KHDRBS2: variants seen among roughly 807,000 people sequenced by gnomAD.
KHDRBS2 encodes the protein KH RNA binding domain containing, signal transduction associated 2.
A neutral mutation model predicts 44.3 loss-of-function variants in KHDRBS2; 26 were observed. That is an observed-to-expected ratio of 0.59 (90% CI 0.43 to 0.81). The LOEUF is 0.81. KHDRBS2 is among the 40% of genes least tolerant of loss of function. The pLI, the probability that KHDRBS2 is intolerant of heterozygous loss-of-function variation, is 0.00. For synonymous variants in KHDRBS2, 194 were observed against 151.1 expected (o/e 1.28, Z -2.08); for missense variants, 476 against 433.1 (o/e 1.10, Z -0.88).
At chr6:61,621,405 C>A in the KHDRBS2 span, among the ~76,000 whole-genome samples, 2 of 152,144 alleles carry the variant, frequency 1.3e-5, no homozygotes, top group Non-Finnish European at 2.9e-5. Context: ...AATAGATAGA[C>A]ATGAAACCAG....
chr6:61,840,060 T>C (rs867157315), intron 6 of KHDRBS2, among the ~76,000 whole-genome samples: 1 of 152,106 alleles, frequency 6.6e-6, no homozygotes, highest in Admixed American at 6.6e-5. Flanking sequence ...TCTTCAATTA[T>C]TACTAGAACA....
At chr6:62,175,578 C>A (rs1173975176) in intron 2 of KHDRBS2, among the ~76,000 whole-genome samples, 1 of 151,494 alleles carries the variant, frequency 6.6e-6, no homozygotes, top group Non-Finnish European at 1.5e-5. Context: ...TTTATATATT[C>A]TGTGATTTCC....
chr6:62,186,128 G>T (rs1170097582), intron 1 of KHDRBS2, among the ~76,000 whole-genome samples: 1 of 152,034 alleles, frequency 6.6e-6, no homozygotes, highest in Non-Finnish European at 1.5e-5. Flanking sequence ...AACAAGTGAT[G>T]ATGACAGTTA....
intron 6 of KHDRBS2, among the ~76,000 whole-genome samples, chr6:61,749,229 G>T (rs1158358808): frequency 1.3e-5 from 2 of 151,820 alleles, no homozygotes; most frequent in African/African-American, 4.8e-5. Context: ...TAGCCAGGAT[G>T]ATCTCGATCT....
At chr6:61,771,664 C>A (rs956964436) in intron 6 of KHDRBS2, among the ~76,000 whole-genome samples, 1 of 152,160 alleles carries the variant, frequency 6.6e-6, no homozygotes, top group Admixed American at 6.5e-5. Context: ...GCACCCAATA[C>A]AGGAGCACCC....
chr6:61,934,845 C>T (rs2127370089), intron 4 of KHDRBS2, among the ~76,000 whole-genome samples: 1 of 152,144 alleles, frequency 6.6e-6, no homozygotes, highest in Middle Eastern at 3.4e-3. Flanking sequence ...AAACAGACAC[C>T]TAGACAATTA....
intron 2 of KHDRBS2, among the ~76,000 whole-genome samples, chr6:62,139,081 A>G (rs937046650): frequency 6.6e-6 from 1 of 152,100 alleles, no homozygotes; most frequent in Non-Finnish European, 1.5e-5. Context: ...ATGGAAAACA[A>G]TTTGAAAACA....
intron 2 of KHDRBS2, among the ~76,000 whole-genome samples, chr6:62,061,686 C>A (rs1239845356): frequency 6.6e-6 from 1 of 151,018 alleles, no homozygotes; most frequent in African/African-American, 2.4e-5. Flanking sequence ...ATCTTTGTGG[C>A]CTTCTCTGTA....
At position 62,103,511 on chromosome 6, in the gene KHDRBS2, G is replaced by T. The variant is rs1802394678; in HGVS notation, c.220-55517C>A. Among the ~76,000 whole-genome samples, 3 of 152,116 alleles carry T rather than the reference G, an allele frequency of 2.0e-5. No homozygotes were observed. The South Asian group carries it at 6.2e-4, about 31-fold the overall frequency. On this transcript the variant is annotated intron_variant, in intron 2 of 8. Coordinates refer to ENST00000281156, the MANE Select transcript of KHDRBS2 (RefSeq NM_152688.4). ...GAGAGAGGACAGGGAATGGCAACAG[G>T]CACTTCTTAGCCTGCGAAAGCAGGG... is the stretch of plus-strand genomic sequence containing the variant.
chr6:61,663,188 G>T, the KHDRBS2 span, among the ~76,000 whole-genome samples: 1 of 141,028 alleles, frequency 7.1e-6, no homozygotes, highest in Non-Finnish European at 1.5e-5. Context: ...CTCATAGGTG[G>T]GAATTGAACA....
At chr6:62,038,847 T>A (rs1456731646) in intron 3 of KHDRBS2, among the ~76,000 whole-genome samples, 3 of 152,070 alleles carry the variant, frequency 2.0e-5, no homozygotes, top group Admixed American at 1.3e-4. Context: ...CATCAAAGAT[T>A]TTTCTAAGAG....
intron 7 of KHDRBS2, among the ~76,000 whole-genome samples, chr6:61,698,135 G>C (rs1244275022): frequency 6.6e-6 from 1 of 152,134 alleles, no homozygotes; most frequent in Non-Finnish European, 1.5e-5. Flanking sequence ...TCAAGACTTA[G>C]TGTTCATTTT....
chr6:61,951,317 T>A (rs143988592), intron 4 of KHDRBS2, among the ~76,000 whole-genome samples: 64 of 152,146 alleles, frequency 4.2e-4, no homozygotes, highest in African/African-American at 1.5e-3. Context: ...AAATTCTTCA[T>A]GTGACTGTAA....
At chr6:61,557,137 G>A in the KHDRBS2 span, among the ~76,000 whole-genome samples, 1 of 152,066 alleles carries the variant, frequency 6.6e-6, no homozygotes, top group South Asian at 2.1e-4. Flanking sequence ...TGCAGCTGCA[G>A]TTAGAAGTCC....
chr6:62,117,287 T>A (rs1375366758), intron 2 of KHDRBS2, among the ~76,000 whole-genome samples: 1 of 152,194 alleles, frequency 6.6e-6, no homozygotes, highest in East Asian at 1.9e-4. Context: ...TTTTTGATAG[T>A]GGCTATCTTA....
intron 2 of KHDRBS2, among the ~76,000 whole-genome samples, chr6:62,167,541 CAATTTG>C (rs1482047470): frequency 6.6e-6 from 1 of 151,978 alleles, no homozygotes; most frequent in Non-Finnish European, 1.5e-5. Context: ...TGGTCTACAG[CAATTTG>C]AATTTTTTTT....
At chr6:61,601,415 G>C in the KHDRBS2 span, among the ~76,000 whole-genome samples, 1 of 152,026 alleles carries the variant, frequency 6.6e-6, no homozygotes, top group African/African-American at 2.4e-5. Context: ...TAAAATCTAA[G>C]CATCTTATTT....
At chr6:62,192,510 C>T (rs2150132298) in intron 1 of KHDRBS2, among the ~76,000 whole-genome samples, 1 of 152,190 alleles carries the variant, frequency 6.6e-6, no homozygotes, top group East Asian at 1.9e-4. Context: ...ACTCAATTTA[C>T]AGAAATGCTA....
intron 1 of KHDRBS2, among the ~76,000 whole-genome samples, chr6:62,187,266 G>A (rs898624807): frequency 1.3e-5 from 2 of 152,060 alleles, no homozygotes; most frequent in Non-Finnish European, 2.9e-5. Context: ...CAATTGTACA[G>A]CAAGGAAAGT....
Sources: allele counts gnomAD v4.1 joint callset (sites outside exome capture counted in the v4.1 genomes callset), GRCh38; gene constraint gnomAD v4.1.1; transcripts MANE v1.5; gene names NCBI Gene and HGNC (gene_info 2026-07-23, HGNC 2026-07-21).